The following TAS2R1 variants were observed in gnomAD, a reference collection of about 807,000 sequenced individuals.
The protein encoded by TAS2R1 is taste 2 receptor member 1, also known as taste receptor type 2 member 1.
For missense variants in TAS2R1, 370 were observed against 353.4 expected, an observed-to-expected ratio of 1.05 and a Z score of -0.38; for synonymous variants, 141 against 134.2, an observed-to-expected ratio of 1.05 and a Z score of -0.35.
chr5:9,634,213 T>G (rs879459541), upstream of TAS2R1, among the ~76,000 whole-genome samples: 4 of 152,060 alleles, frequency 2.6e-5, no homozygotes, highest in Non-Finnish European at 4.4e-5. Context: ...TTTCCCACTT[T>G]GTGTTTTTGT....
chr5:9,643,550 C>G (rs369282419), intron 2 of TAS2R1, among the ~76,000 whole-genome samples: 14 of 152,050 alleles, frequency 9.2e-5, no homozygotes, highest in African/African-American at 3.4e-4. Context: ...CTACTATACA[C>G]TTTATAAACA....
At chr5:9,685,604 G>A (rs1320102323) in intron 1 of TAS2R1, among the ~76,000 whole-genome samples, 1 of 152,158 alleles carries the variant, frequency 6.6e-6, no homozygotes, top group Admixed American at 6.5e-5. Flanking sequence ...TAGGCAGGCT[G>A]AGGAGGTTGT....
At chr5:9,776,415 G>A in the TAS2R1 span, among the ~76,000 whole-genome samples, 4 of 152,154 alleles carry the variant, frequency 2.6e-5, no homozygotes, top group Admixed American at 6.5e-5. Context: ...TAGTGTGATC[G>A]CTCCTGTGAC....
the TAS2R1 span, among the ~76,000 whole-genome samples, chr5:9,795,126 C>T: frequency 1.3e-5 from 2 of 152,286 alleles, no homozygotes; most frequent in African/African-American, 4.8e-5. Flanking sequence ...ATATAGTCAA[C>T]TGTAGTCACC....
At chr5:9,842,316 C>CGTTTTTTT in the TAS2R1 span, among the ~76,000 whole-genome samples, 1 of 116,230 alleles carries the variant, frequency 8.6e-6, no homozygotes, top group Non-Finnish European at 1.7e-5. Context: ...TTCTTTCTCT[C>CGTTTTTTT]TTTTTTTTTT....
chr5:9,767,204 C>T, the TAS2R1 span, among the ~76,000 whole-genome samples: 3 of 151,914 alleles, frequency 2.0e-5, no homozygotes, highest in Non-Finnish European at 4.4e-5. Flanking sequence ...AAATGGCATG[C>T]CCTCCCCCGC....
At chr5:9,711,491 G>A (rs1248190542) in intron 1 of TAS2R1, among the ~76,000 whole-genome samples, 1 of 152,134 alleles carries the variant, frequency 6.6e-6, no homozygotes, top group African/African-American at 2.4e-5. Flanking sequence ...GAGTAGAATG[G>A]TGGATGCCAG....
intron 2 of TAS2R1, among the ~76,000 whole-genome samples, chr5:9,639,747 T>G (rs551279326): frequency 2.0e-5 from 3 of 152,344 alleles, no homozygotes; most frequent in Admixed American, 6.5e-5. Flanking sequence ...CTTCTTTCCT[T>G]AAACGTCATG....
chr5:9,777,816 T>C, the TAS2R1 span, among the ~76,000 whole-genome samples: 1 of 151,970 alleles, frequency 6.6e-6, no homozygotes, highest in African/African-American at 2.4e-5. Context: ...TTAGCAGGCA[T>C]GAAGACATTA....
chr5:9,903,276 T>C, the TAS2R1 span, among the ~76,000 whole-genome samples: 12 of 152,212 alleles, frequency 7.9e-5, 1 homozygote, highest in South Asian at 2.3e-3. Flanking sequence ...TTTGTCTTTC[T>C]GTGCCTAGCT....
chr5:9,810,812 G>A, the TAS2R1 span, among the ~76,000 whole-genome samples: 1,622 of 152,262 alleles, frequency 0.011, 20 homozygotes, highest in African/African-American at 0.034. Context: ...AACCTTGCCT[G>A]ACAATCACCC....
the TAS2R1 span, among the ~76,000 whole-genome samples, chr5:9,901,282 G>C: frequency 1.3e-5 from 2 of 151,928 alleles, no homozygotes; most frequent in Non-Finnish European, 2.9e-5. Context: ...AGATTGTAGG[G>C]GACAAAGTAA....
At chr5:9,669,884 G>A (rs1407175969) in intron 1 of TAS2R1, among the ~76,000 whole-genome samples, 1 of 151,380 alleles carries the variant, frequency 6.6e-6, no homozygotes, top group Non-Finnish European at 1.5e-5. Flanking sequence ...CCCCAAACCT[G>A]GTTTTGAAAT....
At chr5:9,660,239 T>A (rs1304205694) in intron 1 of TAS2R1, among the ~76,000 whole-genome samples, 30 of 143,200 alleles carry the variant, frequency 2.1e-4, no homozygotes, top group African/African-American at 7.2e-4. Context: ...TTTTTTTTTT[T>A]TTTTTTTTTT....
At chr5:9,863,427 C>T in the TAS2R1 span, among the ~76,000 whole-genome samples, 9 of 151,966 alleles carry the variant, frequency 5.9e-5, no homozygotes, top group African/African-American at 1.2e-4. Context: ...CCCACCAACA[C>T]GTCTAATTTT....
chr5:9,879,481 G>T, the TAS2R1 span, among the ~76,000 whole-genome samples: 3 of 152,148 alleles, frequency 2.0e-5, no homozygotes, highest in African/African-American at 7.2e-5. Context: ...ATCCCAGTTT[G>T]TCCATACTTC....
intron 1 of TAS2R1, among the ~76,000 whole-genome samples, chr5:9,703,427 G>C (rs953292812): frequency 4.6e-5 from 7 of 152,182 alleles, no homozygotes; most frequent in African/African-American, 7.2e-5. Context: ...GATAGAAGGG[G>C]AGTTGTTCCA....
At chr5:9,668,160 G>A (rs375599660) in intron 1 of TAS2R1, among the ~76,000 whole-genome samples, 1 of 152,118 alleles carries the variant, frequency 6.6e-6, no homozygotes, top group East Asian at 1.9e-4. Context: ...GCCAAGCTGA[G>A]GAAAGAATCT....
At chr5:9,705,866 C>G (rs571536815) in intron 1 of TAS2R1, among the ~76,000 whole-genome samples, 12 of 151,780 alleles carry the variant, frequency 7.9e-5, no homozygotes, top group Admixed American at 1.3e-4. Flanking sequence ...CCATCCCCCC[C>G]CAAAAAAAGA....
Sources: allele counts gnomAD v4.1 joint callset (sites outside exome capture counted in the v4.1 genomes callset), GRCh38; gene constraint gnomAD v4.1.1; transcripts MANE v1.5; gene names NCBI Gene and HGNC (gene_info 2026-07-23, HGNC 2026-07-21).